The following CRISPLD2 variants were observed in gnomAD, a reference collection of about 807,000 sequenced individuals.
CRISPLD2 encodes cysteine rich secretory protein LCCL domain containing 2.
CRISPLD2 carries 47 observed loss-of-function variants against 71.1 expected under a neutral mutation model. The ratio of observed to expected loss-of-function variants is 0.66; its 90% CI spans 0.52 to 0.84. CRISPLD2 has a LOEUF of 0.84. CRISPLD2 is among the 40% of genes least tolerant of loss of function. The pLI, the probability that CRISPLD2 is intolerant of heterozygous loss-of-function variation, is 0.00. For synonymous variants in CRISPLD2, 317 were observed against 250.1 expected (o/e 1.27, Z -2.52); for missense variants, 830 against 651.1 (o/e 1.27, Z -2.99).
chr16:84,836,550 T>G (rs1916625644), intron 1 of CRISPLD2: 1 of 152,202 alleles, frequency 6.6e-6, no homozygotes, highest in Non-Finnish European at 1.5e-5. Flanking sequence ...GGGTTATTTT[T>G]GTCTGAGGCG....
intron 2 of CRISPLD2, among the ~76,000 whole-genome samples, chr16:84,845,024 A>G (rs1183276844): frequency 6.6e-6 from 1 of 152,148 alleles, no homozygotes; most frequent in Non-Finnish European, 1.5e-5. Context: ...CACCCGGATA[A>G]TTGATTTCTA....
At chr16:84,849,710 C>A (rs1917027516) in intron 4 of CRISPLD2, among the ~76,000 whole-genome samples, 193 bp downstream of exon 4, 1 of 115,174 alleles carries the variant, frequency 8.7e-6, no homozygotes, top group Non-Finnish European at 1.9e-5. Context: ...ACTGAGTGAG[C>A]ACTACAAACT....
At chr16:84,824,223 G>A (rs1425983717) in intron 1 of CRISPLD2, among the ~76,000 whole-genome samples, 2 of 152,184 alleles carry the variant, frequency 1.3e-5, no homozygotes, top group South Asian at 4.1e-4. Context: ...ATGGCAGGAA[G>A]TTTGGTGTGC....
intron 1 of CRISPLD2, chr16:84,836,292 C>G (rs561586171): frequency 3.1e-4 from 47 of 152,300 alleles, no homozygotes; most frequent in African/African-American, 1.1e-3. Flanking sequence ...CTCAACCCAG[C>G]GTCAGAGTTT....
chr16:84,858,277 C>G (rs1917293860), intron 6 of CRISPLD2, among the ~76,000 whole-genome samples: 1 of 152,284 alleles, frequency 6.6e-6, no homozygotes, highest in African/African-American at 2.4e-5. Flanking sequence ...CTGTTCTGGA[C>G]CCCACTCAAA....
At chr16:84,824,167 G>T (rs893621423) in intron 1 of CRISPLD2, among the ~76,000 whole-genome samples, 1 of 152,188 alleles carries the variant, frequency 6.6e-6, no homozygotes, top group African/African-American at 2.4e-5. Context: ...GGCACCGTGT[G>T]TGTGCAAAGG....
chr16:84,894,498 AGGGACTG>A (rs2071689040), intron 14 of CRISPLD2, among the ~76,000 whole-genome samples: 1 of 152,180 alleles, frequency 6.6e-6, no homozygotes, highest in Non-Finnish European at 1.5e-5. Flanking sequence ...CCCCTGCGCT[AGGGACTG>A]GGGACACTGC....
chr16:84,866,980 C>T lies in CRISPLD2; in HGVS notation c.793C>T (p.Leu265Phe). 6.2e-7 allele frequency: 1 copy of T among 1,614,038 alleles called. No homozygotes were observed. Among genetic ancestry groups the T allele is most frequent in the Non-Finnish European group, 8.5e-7 (1 of 1,179,994 alleles). Residue 265 changes from leucine (L) to phenylalanine (F), a missense_variant, in exon 7 of 15, where the codon CTC becomes TTC. Physicochemically the swap from Leu to Phe is conservative, Grantham distance 22. Coordinates refer to ENST00000262424, the MANE Select transcript of CRISPLD2 (RefSeq NM_031476.4). The stretch of plus-strand genomic sequence containing the variant: ...CATTCCTGAAGAAAACCATGTTTGG[C>T]TCCAACCGAGGGTGATGAGACCCAC... ...APIPEENHVW[L>F]QPRVMRPTKP...
At chr16:84,904,403 G>T (rs569392893) in intron 14 of CRISPLD2, among the ~76,000 whole-genome samples, 8 of 152,104 alleles carry the variant, frequency 5.3e-5, no homozygotes, top group Admixed American at 1.3e-4. Flanking sequence ...GGCCAACATG[G>T]CAAAACCCCA....
At chr16:84,892,164 T>G (rs2071668503) in intron 14 of CRISPLD2, among the ~76,000 whole-genome samples, 1 of 152,112 alleles carries the variant, frequency 6.6e-6, no homozygotes, top group Non-Finnish European at 1.5e-5. Flanking sequence ...GGTCTCCAGG[T>G]GGGGTCCCCA....
chr16:84,837,035 C>T (rs949452447), intron 1 of CRISPLD2, among the ~76,000 whole-genome samples: 2 of 152,150 alleles, frequency 1.3e-5, no homozygotes, highest in African/African-American at 4.8e-5. Context: ...GGGACAGAGT[C>T]CTCTTCATCT....
chr16:84,850,251 C>T (rs552864698), intron 4 of CRISPLD2, among the ~76,000 whole-genome samples: 5 of 152,000 alleles, frequency 3.3e-5, no homozygotes, highest in South Asian at 2.1e-4. Flanking sequence ...CCACCACGCC[C>T]GGCTAATTTT....
In CRISPLD2 at chr16:84,880,515, T is replaced by C. The variant is rs1353201909; in HGVS notation, c.1236T>C (p.His412=). The C allele has an allele frequency of 6.2e-7, 1 of 1,610,950 alleles. No homozygotes were observed. Among genetic ancestry groups the C allele is most frequent in the Admixed American group, 1.7e-5 (1 of 59,812 alleles). The change falls in exon 13 of 15, where the codon CAT becomes CAC. Residue 412 remains histidine, a synonymous_variant. Coordinates refer to ENST00000262424, the MANE Select transcript of CRISPLD2 (RefSeq NM_031476.4). The part of the protein sequence containing the change: ...EKPATHCPRI[H]CPAHCKDEPS... ...AATGCTTCCTGTTTTTCAGAATCCATTGTCCGGCACACTGCAAAGACGAAC... is the reference window on the plus strand; with the variant it reads ...AATGCTTCCTGTTTTTCAGAATCCACTGTCCGGCACACTGCAAAGACGAAC...
intron 13 of CRISPLD2, among the ~76,000 whole-genome samples, chr16:84,888,954 T>C (rs958550502): frequency 5.9e-5 from 9 of 152,254 alleles, no homozygotes; most frequent in South Asian, 4.1e-4. Flanking sequence ...AAGGTCTTTA[T>C]CTTGTTCCCT....
At chr16:84,898,201 A>G (rs1005659835) in intron 14 of CRISPLD2, among the ~76,000 whole-genome samples, 1 of 152,224 alleles carries the variant, frequency 6.6e-6, no homozygotes, top group Non-Finnish European at 1.5e-5. Flanking sequence ...CAGAACAGCC[A>G]CAGCCACCAA....
chr16:84,891,397 C>T lies in CRISPLD2; in HGVS notation c.1439+2034C>T, dbSNP rs566020090. Reference sequence around the variant, plus strand: ...GTACCCAGATCGTGCCCATTCTTCCCGGGACCCCTGCCCGGTGACTCTGCC... The same window carrying T: ...GTACCCAGATCGTGCCCATTCTTCCTGGGACCCCTGCCCGGTGACTCTGCC... On this transcript the variant is annotated intron_variant, in intron 14 of 14. Transcript: ENST00000262424. Among the ~76,000 whole-genome samples the T allele has an allele frequency of 1.5e-3, 235 of 152,252 alleles. 1 individual carries two copies. The highest frequency in any genetic ancestry group is 5.4e-3 in the African/African-American group (226 of 41,568).
chr16:84,833,941 C>A (rs1916552974), intron 1 of CRISPLD2, among the ~76,000 whole-genome samples: 1 of 152,142 alleles, frequency 6.6e-6, no homozygotes, highest in African/African-American at 2.4e-5. Context: ...TTGGGAGCCC[C>A]CTTCCCCCTG....
At chr16:84,840,505 CTGTT>C (rs879409837) in intron 2 of CRISPLD2, among the ~76,000 whole-genome samples, 30 of 152,018 alleles carry the variant, frequency 2.0e-4, no homozygotes, top group Middle Eastern at 3.2e-3. Context: ...TTTATTGTTT[CTGTT>C]TGTTTGTTTG....
At chr16:84,878,725 T>G (rs1809784) in intron 12 of CRISPLD2, among the ~76,000 whole-genome samples, 25,729 of 152,164 alleles carry the variant, frequency 0.17, 2,524 homozygotes, top group South Asian at 0.27. Flanking sequence ...ATCCTCTTAT[T>G]TGAATCGGCT....
Sources: gnomAD v4.1 joint callset for allele counts (sites outside exome capture counted in the v4.1 genomes callset) on GRCh38, gnomAD v4.1.1 for gene constraint, MANE v1.5 for transcripts, NCBI Gene and HGNC (gene_info 2026-07-23, HGNC 2026-07-21) for gene names.